Variants in SLC66A2 observed in about 807,000 individuals in gnomAD.
SLC66A2 encodes the protein PQ loop repeat containing 1.
SLC66A2 carries 23 observed loss-of-function variants against 25.5 expected under a neutral mutation model. That is an observed-to-expected ratio of 0.90 (90% confidence interval 0.65 to 1.28). SLC66A2 has a LOEUF of 1.28. Ranked by LOEUF, SLC66A2 falls within the 50% of genes most tolerant of loss-of-function variation. The probability of loss-of-function intolerance (pLI) is 0.00; values close to 1 mark genes in which losing one functional copy is unlikely to be tolerated. For synonymous variants in SLC66A2, 193 were observed against 166.5 expected, an observed-to-expected ratio of 1.16 and a Z score of -1.23; for missense variants, 396 against 373.1, an observed-to-expected ratio of 1.06 and a Z score of -0.51.
At position 79,903,956 on chromosome 18, in the gene SLC66A2, C is replaced by G. The variant is rs921354274; in HGVS notation, c.*20G>C. ...CCAGTGCCCGCGGCTGGCGGTCCCA[C>G]ATCCTCGTCCTCCCCACTGTCAGAG... is the stretch of plus-strand genomic sequence containing the variant. On this transcript the variant is annotated 3_prime_UTR_variant, in exon 6 of 6. Transcript: ENST00000397778. 1.9e-6 allele frequency: 3 copies of G among 1,578,204 alleles called. No individual in the cohort carries two copies. The highest frequency in any genetic ancestry group is 2.6e-6 in the Non-Finnish European group (3 of 1,164,834).
chr18:79,912,598 A>C (rs1983400946), intron 5 of SLC66A2, among the ~76,000 whole-genome samples: 1 of 152,082 alleles, frequency 6.6e-6, no homozygotes, highest in Non-Finnish European at 1.5e-5. Flanking sequence ...GGAGATGGGA[A>C]GTGGAGGAGT....
rs1987606272 is a variant in SLC66A2 at position 79,940,906 on chromosome 18, T to C, written c.337+2423A>G. On this transcript the variant is annotated intron_variant, in intron 3 of 5. Transcript: ENST00000397778. This position sits in a 1 kb window ranked among gnomAD's most constrained non-coding sequence, Gnocchi z 4.1. The stretch of plus-strand genomic sequence containing the variant: ...CTTGAGGTCATTTGGGGCCCAGGAG[T>C]CATGCAGCTTGGTTCTCAGTCCTCC... Among the ~76,000 whole-genome samples, 1 of 151,520 alleles carries C rather than the reference T, an allele frequency of 6.6e-6. No individual in the cohort carries two copies. Among genetic ancestry groups the C allele is most frequent in the Admixed American group, 6.6e-5 (1 of 15,238 alleles).
In SLC66A2 at chr18:79,919,883, T is replaced by TG. The variant is rs1186780017; in HGVS notation, c.392-484dup. 5.7e-4 allele frequency among the ~76,000 whole-genome samples: 5 copies of TG among 8,770 alleles called. 1 individual carries two copies. Among genetic ancestry groups the TG allele is most frequent in the African/African-American group, 6.8e-4 (5 of 7,316 alleles). The allele number at this position is 8,770 out of a possible 152,430, so 5.8% of individuals were successfully genotyped here. A position where few individuals can be genotyped will look rare whatever the true frequency, so the allele number is the denominator to read the frequency against. On this transcript the variant is annotated intron_variant, in intron 4 of 5. Coordinates refer to ENST00000397778, the MANE Select transcript of SLC66A2 (RefSeq NM_025078.5). ...GAACCGAGTGAGAGGTCAGGGTCAG[T>TG]GAGGAGAGACAGGAACCGAGTGAGA...
chr18:79,943,456 T>C lies in SLC66A2; in HGVS notation c.210A>G (p.Gly70=), dbSNP rs758331345. 7 of 1,613,810 alleles carry C rather than the reference T, an allele frequency of 4.3e-6. No homozygotes were observed. The East Asian group carries it at 1.6e-4, about 36-fold the overall frequency. ...ANILRILFWF[G]RRFESPLLWQ... ...ACAGCAGCGGGGACTCAAAGCGCCT[T>C]CCAAACCTGCGGGAGAGACACTGTG... Residue 70 remains glycine (G), a synonymous_variant, in exon 3 of 6, where the codon GGA becomes GGG. Coordinates refer to ENST00000397778, the MANE Select transcript of SLC66A2 (RefSeq NM_025078.5).
In SLC66A2 at chr18:79,943,454, C is replaced by T; in HGVS notation, c.212G>A (p.Arg71Lys). ...NILRILFWFG[R>K]RFESPLLWQS... is the part of the protein sequence containing the mutation. ...CCACAGCAGCGGGGACTCAAAGCGCCTTCCAAACCTGCGGGAGAGACACTG... is the reference window on the plus strand; with the variant it reads ...CCACAGCAGCGGGGACTCAAAGCGCTTTCCAAACCTGCGGGAGAGACACTG... The change falls in exon 3 of 6, where the codon AGG (arginine) becomes AAG (lysine). Residue 71 changes from arginine (R) to lysine (K), a missense_variant. Transcript: ENST00000397778. 6.2e-7 allele frequency: 1 copy of T among 1,613,920 alleles called. No individual in the cohort carries two copies. Among genetic ancestry groups the T allele is most frequent in the Non-Finnish European group, 8.5e-7 (1 of 1,179,874 alleles).
intron 5 of SLC66A2, among the ~76,000 whole-genome samples, chr18:79,914,356 C>T (rs1420040040): frequency 6.6e-6 from 1 of 152,220 alleles, no homozygotes; most frequent in Non-Finnish European, 1.5e-5. Context: ...CTTCAAGAAT[C>T]ACAACTCCTG....
chr18:79,919,225 C>T lies in SLC66A2; in HGVS notation c.567G>A (p.Gln189=). 1.9e-6 allele frequency: 3 copies of T among 1,613,174 alleles called. No homozygotes were observed. Among genetic ancestry groups the T allele is most frequent in the Non-Finnish European group, 2.5e-6 (3 of 1,180,012 alleles). ...VLTEAMLGVP[Q]LYRNHRHQST... is the part of the protein sequence containing the mutation. ...ACTGGTGGCGGTGGTTGCGGTAAAG[C>T]TGGGGCACACCCAGCATGGCTTCGG... The change falls in exon 5 of 6, where the codon CAG becomes CAA. Residue 189 remains glutamine (Q), a synonymous_variant. Transcript: ENST00000397778.
rs1465320877 is a variant in SLC66A2 at position 79,940,933 on chromosome 18, C to T, written c.337+2396G>A. 2.6e-5 allele frequency among the ~76,000 whole-genome samples: 4 copies of T among 152,102 alleles called. No individual in the cohort carries two copies. Among genetic ancestry groups the T allele is most frequent in the Admixed American group, 6.6e-5 (1 of 15,262 alleles). On this transcript the variant is annotated intron_variant, in intron 3 of 5. Coordinates refer to ENST00000397778, the MANE Select transcript of SLC66A2 (RefSeq NM_025078.5). This position sits in a 1 kb window ranked among gnomAD's most constrained non-coding sequence, Gnocchi z 4.1. Reference sequence around the variant, plus strand: ...ATGCAGCTTGGTTCTCAGTCCTCCCCGGGGGAGGGCAGGCACAGGTCACCC... The same window carrying T: ...ATGCAGCTTGGTTCTCAGTCCTCCCTGGGGGAGGGCAGGCACAGGTCACCC...
At chr18:79,913,818 C>T (rs1256223076) in intron 5 of SLC66A2, among the ~76,000 whole-genome samples, 2 of 152,240 alleles carry the variant, frequency 1.3e-5, no homozygotes, top group East Asian at 3.8e-4. Flanking sequence ...ACGCCTCCCT[C>T]ACCTAGGGCA....
At chr18:79,912,767 C>T (rs1404914658) in intron 5 of SLC66A2, among the ~76,000 whole-genome samples, 1 of 152,112 alleles carries the variant, frequency 6.6e-6, no homozygotes, top group East Asian at 1.9e-4. Flanking sequence ...GCGGGTCACA[C>T]TTTGTAATGT....
At chr18:79,931,789 G>A (rs1986595577) in intron 4 of SLC66A2, among the ~76,000 whole-genome samples, 1 of 152,076 alleles carries the variant, frequency 6.6e-6, no homozygotes, top group African/African-American at 2.4e-5. Flanking sequence ...GTGGTGGGTG[G>A]GTGCCCTGAG....
intron 5 of SLC66A2, among the ~76,000 whole-genome samples, chr18:79,914,452 G>T (rs958931382): frequency 6.6e-5 from 10 of 152,118 alleles, no homozygotes; most frequent in Non-Finnish European, 1.5e-4. Flanking sequence ...CTCCAGATGG[G>T]GGGTGGTCTG....
At chr18:79,948,703 G>T (rs1360955665) in intron 2 of SLC66A2, among the ~76,000 whole-genome samples, 1 of 152,132 alleles carries the variant, frequency 6.6e-6, no homozygotes, top group Non-Finnish European at 1.5e-5. Flanking sequence ...CCTCTAAGCG[G>T]AACTTCTTTC....
At chr18:79,934,098 G>T in intron 3 of SLC66A2, 76 bp from the exon 4 acceptor site, 2 of 1,130,952 alleles carry the variant, frequency 1.8e-6, no homozygotes, top group Non-Finnish European at 2.6e-6. Context: ...TGGGTAAACA[G>T]CTGTGTTCCC....
chr18:79,905,895 A>G (rs1982059675), intron 5 of SLC66A2, among the ~76,000 whole-genome samples: 1 of 152,196 alleles, frequency 6.6e-6, no homozygotes, highest in African/African-American at 2.4e-5. Flanking sequence ...ACACACAGAC[A>G]CAATTTCTGG....
chr18:79,909,833 C>T (rs1178871655), intron 5 of SLC66A2, among the ~76,000 whole-genome samples: 1 of 139,954 alleles, frequency 7.1e-6, no homozygotes, highest in Non-Finnish European at 1.6e-5. Flanking sequence ...TCCCCACCAC[C>T]TCACCAGAGT....
At chr18:79,942,853 C>T (rs896490076) in intron 3 of SLC66A2, among the ~76,000 whole-genome samples, 1 of 152,216 alleles carries the variant, frequency 6.6e-6, no homozygotes. Flanking sequence ...AAGGGGCTGC[C>T]TGACCCTGCG....
rs1568301942 is a variant in SLC66A2 at position 79,916,132 on chromosome 18, CGGTGCTCCCGT to C, written c.608+3041_608+3051del. Among the ~76,000 whole-genome samples the C allele has an allele frequency of 1.5e-4, 17 of 110,080 alleles. No individual in the cohort carries two copies. In the South Asian group the frequency reaches 2.8e-3, roughly 18 times the overall value. 72.2% of individuals were successfully genotyped at this position (110,080 alleles called of 152,430 possible). On this transcript the variant is annotated intron_variant, in intron 5 of 5. Coordinates refer to ENST00000397778, the MANE Select transcript of SLC66A2 (RefSeq NM_025078.5). The stretch of plus-strand genomic sequence containing the variant: ...GTGCTCCCGTACCCTCCCATACCCA[CGGTGCTCCCGT>C]ACCCGCGGCGCTCTCGTACCCGCAG...
rs1981763711 is a variant in SLC66A2, at chr18:79,904,553, G to A, written c.609-370C>T. Among the ~76,000 whole-genome samples, 1 of 152,148 alleles carries A rather than the reference G, an allele frequency of 6.6e-6. No homozygotes were observed. The highest frequency in any genetic ancestry group is 2.1e-4 in the South Asian group (1 of 4,834). ...CAGCTCGAGGCTACAGGGGACAGCA[G>A]GGCGAGCAGCTGACGTCAGGGCCCC... On this transcript the variant is annotated intron_variant, in intron 5 of 5. Coordinates refer to ENST00000397778, the MANE Select transcript of SLC66A2 (RefSeq NM_025078.5). The surrounding 1 kb of genome is among the most constrained non-coding windows in gnomAD (Gnocchi z 6.3).
Sources: allele counts gnomAD v4.1 joint callset (sites outside exome capture counted in the v4.1 genomes callset), GRCh38; gene constraint gnomAD v4.1.1; non-coding constraint Gnocchi (gnomAD v3.1); transcripts MANE v1.5; gene names NCBI Gene and HGNC (gene_info 2026-07-23, HGNC 2026-07-21).